The following DAB1 variants were observed in gnomAD, a reference collection of about 807,000 sequenced individuals.
The protein encoded by DAB1 is DAB adaptor protein 1, also known as disabled homolog 1.
A neutral mutation model predicts 64.6 loss-of-function variants in DAB1; 15 were observed. That is an observed-to-expected ratio of 0.23 (90% CI 0.16 to 0.36). The LOEUF is 0.36. Among genes scored for constraint, DAB1 ranks in the 10% least tolerant of loss-of-function variants. The pLI is 1.00. For synonymous variants in DAB1, 235 were observed against 251.9 expected (o/e 0.93, Z 0.64); for missense variants, 596 against 706.7 (o/e 0.84, Z 1.78).
chr1:57,960,103 T>C (rs888751590), intron 5 of DAB1, among the ~76,000 whole-genome samples: 2 of 152,072 alleles, frequency 1.3e-5, no homozygotes, highest in African/African-American at 4.8e-5. Context: ...GGTCCTGCTA[T>C]GGTGAGGAGT....
intron 5 of DAB1, among the ~76,000 whole-genome samples, chr1:58,059,668 T>A (rs1457973916): frequency 6.6e-6 from 1 of 152,254 alleles, no homozygotes; most frequent in Non-Finnish European, 1.5e-5. Context: ...CACAGTCTAA[T>A]GGCATAAACA....
chr1:57,921,343 AC>A (rs768751052), intron 5 of DAB1, among the ~76,000 whole-genome samples: 40 of 152,194 alleles, frequency 2.6e-4, no homozygotes, highest in Admixed American at 6.5e-4. Context: ...CAGTCAAGTA[AC>A]TTTTTACTGT....
chr1:57,212,663 C>T (rs761264533), intron 2 of DAB1, among the ~76,000 whole-genome samples: 2 of 151,866 alleles, frequency 1.3e-5, no homozygotes, highest in Admixed American at 6.6e-5. Flanking sequence ...CACCGCGCCC[C>T]GCCTTATTTC....
intron 4 of DAB1, among the ~76,000 whole-genome samples, chr1:58,155,446 G>T (rs1655171583): frequency 6.6e-6 from 1 of 152,166 alleles, no homozygotes; most frequent in Non-Finnish European, 1.5e-5. Flanking sequence ...CCAAAGTGGA[G>T]AAACCTATTC....
At chr1:58,323,530 T>A (rs1227228165) in intron 4 of DAB1, among the ~76,000 whole-genome samples, 1 of 152,118 alleles carries the variant, frequency 6.6e-6, no homozygotes, top group East Asian at 1.9e-4. Context: ...CACCACTCTA[T>A]TTTGAATAGC....
At chr1:57,868,499 C>G in intron 1 of DAB1, among the ~76,000 whole-genome samples, 1 of 152,126 alleles carries the variant, frequency 6.6e-6, no homozygotes, top group East Asian at 1.9e-4. Context: ...CTTGTCATTA[C>G]GTTGGAGTTA....
At chr1:58,101,099 G>A (rs1651289119) in intron 5 of DAB1, among the ~76,000 whole-genome samples, 3 of 152,110 alleles carry the variant, frequency 2.0e-5, no homozygotes, top group Non-Finnish European at 2.9e-5. Flanking sequence ...GGTGGATCAC[G>A]AGGTCAGGAG....
In DAB1 at chr1:57,373,887, T is replaced by TTAAA. The variant is rs952907640; in HGVS notation, c.-137+50039_-137+50042dup. Reference sequence around the variant, plus strand: ...TTCTGAAACACATATCAGAAGATACTTAAAGGGTTATTAAAGAATTGGATA... The same window carrying TTAAA: ...TTCTGAAACACATATCAGAAGATACTTAAATAAAGGGTTATTAAAGAATTGGATA... On this transcript the variant is annotated intron_variant, in intron 1 of 14. Coordinates refer to ENST00000371236, the MANE Select transcript of DAB1 (RefSeq NM_001365792.1). Among the ~76,000 whole-genome samples, 113 of 152,348 alleles carry TTAAA rather than the reference T, an allele frequency of 7.4e-4. 1 individual carries two copies. Among genetic ancestry groups the TTAAA allele is most frequent in the African/African-American group, 2.5e-3 (102 of 41,574 alleles).
intron 5 of DAB1, among the ~76,000 whole-genome samples, chr1:58,134,901 G>T (rs1653856715): frequency 6.6e-6 from 1 of 152,074 alleles, no homozygotes; most frequent in Admixed American, 6.6e-5. Context: ...CAGTAGACAG[G>T]ATGAAAAATG....
chr1:57,856,534 G>A (rs1266966606), intron 1 of DAB1, among the ~76,000 whole-genome samples: 2 of 152,072 alleles, frequency 1.3e-5, no homozygotes, highest in African/African-American at 2.4e-5. Flanking sequence ...AGGCCGAGGC[G>A]AGCAGGTCAC....
intron 1 of DAB1, among the ~76,000 whole-genome samples, chr1:57,360,453 T>C (rs925664166): frequency 6.6e-6 from 1 of 152,122 alleles, no homozygotes; most frequent in East Asian, 1.9e-4. Flanking sequence ...ATGACAAGAT[T>C]GATAGCTCAG....
chr1:57,617,442 C>T (rs1645803114), intron 7 of DAB1, among the ~76,000 whole-genome samples: 1 of 152,024 alleles, frequency 6.6e-6, no homozygotes, highest in African/African-American at 2.4e-5. Flanking sequence ...CCACAAGTAC[C>T]CCGTCTCAAG....
intron 3 of DAB1, among the ~76,000 whole-genome samples, chr1:58,466,109 T>C (rs1645293551): frequency 6.6e-6 from 1 of 152,084 alleles, no homozygotes; most frequent in Admixed American, 6.5e-5. Context: ...AAACGCTGTG[T>C]CCTGACTGCC....
chr1:57,297,222 T>C (rs1345222039), intron 1 of DAB1, among the ~76,000 whole-genome samples: 2 of 152,110 alleles, frequency 1.3e-5, no homozygotes, highest in Non-Finnish European at 2.9e-5. Context: ...AAAATAACAA[T>C]TAAATGCCAT....
intron 2 of DAB1, among the ~76,000 whole-genome samples, chr1:57,206,968 C>CTTTTTTTTTTTTTTT (rs201111039): frequency 2.5e-4 from 21 of 84,492 alleles, no homozygotes; most frequent in Admixed American, 6.6e-4. Context: ...TCCTTCCTTC[C>CTTTTTTTTTTTTTTT]TTTTTTTTTT....
At chr1:58,203,021 T>A (rs896865940) in intron 4 of DAB1, among the ~76,000 whole-genome samples, 1 of 152,222 alleles carries the variant, frequency 6.6e-6, no homozygotes, top group African/African-American at 2.4e-5. Flanking sequence ...CACTATTAAC[T>A]GAGCATTGTG....
At chr1:58,003,346 T>C (rs1646534581) in intron 5 of DAB1, among the ~76,000 whole-genome samples, 1 of 152,200 alleles carries the variant, frequency 6.6e-6, no homozygotes, top group African/African-American at 2.4e-5. Flanking sequence ...TGTTTTAAAA[T>C]AGATGGCCCT....
At chr1:57,885,276 C>T (rs2101974733), upstream of DAB1, among the ~76,000 whole-genome samples, 1 of 152,218 alleles carries the variant, frequency 6.6e-6, no homozygotes, top group Middle Eastern at 3.4e-3. Flanking sequence ...TTATAATTGT[C>T]ATTAAAAAGA....
chr1:57,902,305 T>C (rs1186600996), intron 5 of DAB1, among the ~76,000 whole-genome samples: 1 of 152,184 alleles, frequency 6.6e-6, no homozygotes, highest in African/African-American at 2.4e-5. Flanking sequence ...CTTTTCTATA[T>C]ATTTTTTTCT....
Sources: gnomAD v4.1 joint callset for allele counts (sites outside exome capture counted in the v4.1 genomes callset) on GRCh38, gnomAD v4.1.1 for gene constraint, MANE v1.5 for transcripts, NCBI Gene and HGNC (gene_info 2026-07-23, HGNC 2026-07-21) for gene names.